HKDC1: variants seen among roughly 807,000 people sequenced by gnomAD.
HKDC1 encodes hexokinase domain containing 1.
HKDC1 carries 66 observed loss-of-function variants against 96.6 expected under a neutral mutation model. That is an observed-to-expected ratio of 0.68 (90% CI 0.56 to 0.84). The LOEUF (loss-of-function observed/expected upper bound fraction) is 0.84, where lower values mean the gene tolerates loss of function less well. Ranked by LOEUF, HKDC1 falls within the 40% of genes least tolerant of loss-of-function variation. HKDC1 has a pLI of 0.00. For missense variants in HKDC1, 1,211 were observed against 1,208.1 expected, an observed-to-expected ratio of 1.00 and a Z score of -0.04; for synonymous variants, 466 against 473.1, an observed-to-expected ratio of 0.98 and a Z score of 0.20.
At chr10:69,266,287 T>C (rs187284311) in intron 17 of HKDC1, among the ~76,000 whole-genome samples, 1 of 151,924 alleles carries the variant, frequency 6.6e-6, no homozygotes, top group Admixed American at 6.6e-5. Context: ...CATAAATAAA[T>C]AAAATACAAA....
At chr10:69,266,478 A>T in intron 17 of HKDC1, 132 bp from the exon 18 acceptor site, 1 of 942,794 alleles carries the variant, frequency 1.1e-6, no homozygotes, top group Non-Finnish European at 1.5e-6. Context: ...AAAAAAAAAA[A>T]TTAGAAGAAG....
intron 5 of HKDC1, among the ~76,000 whole-genome samples, chr10:69,239,406 C>T (rs1014804854): frequency 6.6e-6 from 1 of 152,226 alleles, no homozygotes; most frequent in South Asian, 2.1e-4. Flanking sequence ...CCACAGCCCT[C>T]TCCGGAGGTC....
intron 1 of HKDC1, among the ~76,000 whole-genome samples, chr10:69,222,156 A>G (rs1459866419): frequency 6.6e-6 from 1 of 152,148 alleles, no homozygotes; most frequent in Non-Finnish European, 1.5e-5. Flanking sequence ...CGGGCAGCAG[A>G]GGTTACAGTG....
intron 1 of HKDC1, among the ~76,000 whole-genome samples, chr10:69,226,856 A>C (rs1234391425): frequency 6.6e-6 from 1 of 152,160 alleles, no homozygotes; most frequent in African/African-American, 2.4e-5. Flanking sequence ...GTGGAGAGGA[A>C]TGGGACACTG....
chr10:69,220,421 C>A lies in HKDC1; in HGVS notation c.-15C>A. 6.3e-7 allele frequency: 1 copy of A among 1,592,794 alleles called. No homozygotes were observed. On this transcript the variant is annotated 5_prime_UTR_variant, in exon 1 of 18. Coordinates refer to ENST00000354624, the MANE Select transcript of HKDC1 (RefSeq NM_025130.4). ...GAATCTCTGCCCATCTCAGGAGAAA[C>A]CAAACTTGGGGAAAATGTTTGCGGT...
chr10:69,226,202 A>G (rs1489084217), intron 1 of HKDC1, among the ~76,000 whole-genome samples: 1 of 152,210 alleles, frequency 6.6e-6, no homozygotes, highest in Non-Finnish European at 1.5e-5. Context: ...GATTTTAGCC[A>G]TAGTGATTTG....
intron 2 of HKDC1, chr10:69,232,531 A>C: frequency 1.8e-6 from 1 of 553,706 alleles, no homozygotes; most frequent in Non-Finnish European, 3.2e-6. Context: ...AGCATGAGCC[A>C]GTGGGTTGGG....
intron 16 of HKDC1, 140 bp downstream of exon 16, chr10:69,261,434 TC>T (rs1364280235): frequency 1.4e-6 from 1 of 697,378 alleles, no homozygotes. Flanking sequence ...GCTGCTCTTC[TC>T]TTTCCAACTG....
chr10:69,222,305 T>C (rs1843078776), intron 1 of HKDC1, among the ~76,000 whole-genome samples: 1 of 152,236 alleles, frequency 6.6e-6, no homozygotes, highest in Non-Finnish European at 1.5e-5. Context: ...CACTAAATTC[T>C]ATTCATTTAG....
At chr10:69,263,615 A>T (rs1219640558) in intron 16 of HKDC1, among the ~76,000 whole-genome samples, 2 of 152,154 alleles carry the variant, frequency 1.3e-5, no homozygotes. Flanking sequence ...ATGCTGCGTG[A>T]CCTGGGGCAG....
At chr10:69,224,523 T>G (rs1843117798) in intron 1 of HKDC1, among the ~76,000 whole-genome samples, 1 of 152,148 alleles carries the variant, frequency 6.6e-6, no homozygotes, top group Non-Finnish European at 1.5e-5. Flanking sequence ...CCTCAGGTGA[T>G]CCACCCGCCT....
Position 69,240,658 on chromosome 10 carries a change from G to T in HKDC1, c.598G>T (p.Asp200Tyr). 6.2e-7 allele frequency: 1 copy of T among 1,613,864 alleles called. No individual in the cohort carries two copies. Among genetic ancestry groups the T allele is most frequent in the Non-Finnish European group, 8.5e-7 (1 of 1,179,852 alleles). Residue 200 changes from aspartate (D) to tyrosine (Y), a missense_variant, in exon 6 of 18, where the codon GAC (aspartate) becomes TAC (tyrosine). By Grantham distance (160) the Asp-to-Tyr change is radical. Coordinates refer to ENST00000354624, the MANE Select transcript of HKDC1 (RefSeq NM_025130.4). ...TKAMRRHKDM[D>Y]VDILALVNDT... is the part of the protein sequence containing the mutation. ...CTGGCCTTGTGTTCGGCAGGACATG[G>T]ACGTGGACATCCTGGCCCTGGTCAA...
At chr10:69,255,504 G>C (rs1843705049) in intron 12 of HKDC1, among the ~76,000 whole-genome samples, 1 of 152,180 alleles carries the variant, frequency 6.6e-6, no homozygotes, top group African/African-American at 2.4e-5. Flanking sequence ...TCCTGGCCTA[G>C]ACACCCTAGC....
At chr10:69,245,048 T>C (rs1843518968) in intron 7 of HKDC1, among the ~76,000 whole-genome samples, 1 of 152,038 alleles carries the variant, frequency 6.6e-6, no homozygotes, top group African/African-American at 2.4e-5. Flanking sequence ...ATTACAGGCA[T>C]GCGCCACCAT....
At chr10:69,240,524 C>G in intron 5 of HKDC1, 128 bp from the exon 6 acceptor site, 1 of 677,834 alleles carries the variant, frequency 1.5e-6, no homozygotes, top group Non-Finnish European at 2.6e-6. Flanking sequence ...CTCCTTCAGA[C>G]AGGCCCAGCA....
chr10:69,244,588 G>T (rs1329266702), intron 7 of HKDC1, among the ~76,000 whole-genome samples: 2 of 152,134 alleles, frequency 1.3e-5, no homozygotes, highest in Non-Finnish European at 1.5e-5. Context: ...GGCTGAGGTG[G>T]GAGGACTGCT....
intron 1 of HKDC1, among the ~76,000 whole-genome samples, chr10:69,226,497 A>T (rs1158752426): frequency 4.0e-5 from 6 of 148,568 alleles, no homozygotes; most frequent in East Asian, 1.9e-4. Flanking sequence ...AAATAAAAAT[A>T]AAAAAAAATT....
intron 2 of HKDC1, among the ~76,000 whole-genome samples, chr10:69,230,432 C>A (rs920084171): frequency 6.6e-6 from 1 of 152,134 alleles, no homozygotes; most frequent in Non-Finnish European, 1.5e-5. Context: ...CTCCAGGAAT[C>A]TCCGCATTCA....
chr10:69,262,632 A>G (rs1204892707), intron 16 of HKDC1, among the ~76,000 whole-genome samples: 1 of 152,226 alleles, frequency 6.6e-6, no homozygotes, highest in African/African-American at 2.4e-5. Context: ...CACATTATAC[A>G]TGAAAGTGGT....
Sources: allele counts gnomAD v4.1 joint callset (sites outside exome capture counted in the v4.1 genomes callset), GRCh38; gene constraint gnomAD v4.1.1; transcripts MANE v1.5; gene names NCBI Gene and HGNC (gene_info 2026-07-23, HGNC 2026-07-21).